Variants in RARS2 observed in about 807,000 individuals in gnomAD.
The protein encoded by RARS2 is probable arginine--tRNA ligase, mitochondrial.
Under a neutral mutation model 88.5 loss-of-function variants are expected in RARS2, and 67 were observed. That is an observed-to-expected ratio of 0.76 (90% CI 0.62 to 0.93). RARS2 has a LOEUF of 0.93. Among genes scored for constraint, RARS2 ranks in the 40% least tolerant of loss-of-function variants. The pLI, the probability that RARS2 is intolerant of heterozygous loss-of-function variation, is 0.00. For missense variants in RARS2, 664 were observed against 684.2 expected, an observed-to-expected ratio of 0.97 and a Z score of 0.33; for synonymous variants, 239 against 230.3, an observed-to-expected ratio of 1.04 and a Z score of -0.34.
intron 8 of RARS2, among the ~76,000 whole-genome samples, chr6:87,532,475 T>A (rs544024668): frequency 5.9e-5 from 9 of 152,322 alleles, no homozygotes; most frequent in African/African-American, 2.2e-4. Flanking sequence ...TGACCAACTC[T>A]CAATAAAAAC....
intron 11 of RARS2, among the ~76,000 whole-genome samples, chr6:87,523,366 C>A (rs968852064): frequency 6.6e-6 from 1 of 152,164 alleles, no homozygotes; most frequent in African/African-American, 2.4e-5. Flanking sequence ...TATTCTCCTG[C>A]AGTTTTGTCT....
intron 5 of RARS2, among the ~76,000 whole-genome samples, chr6:87,549,656 G>A (rs1176238577): frequency 2.6e-5 from 4 of 151,872 alleles, no homozygotes; most frequent in Admixed American, 6.6e-5. Context: ...TATCACTCCC[G>A]TGTGTGCTCA....
chr6:87,527,847 G>C (rs1776251344), intron 10 of RARS2, among the ~76,000 whole-genome samples: 1 of 151,994 alleles, frequency 6.6e-6, no homozygotes, highest in Admixed American at 6.6e-5. Flanking sequence ...TCACTTATAA[G>C]TGGGAGTTGA....
In RARS2 at chr6:87,567,712, T is replaced by C. The variant is rs188274076; in HGVS notation, c.110+1805A>G. Among the ~76,000 whole-genome samples, 348 of 152,336 alleles carry C rather than the reference T, an allele frequency of 2.3e-3. 1 individual carries two copies. The highest frequency in any genetic ancestry group is 8.0e-3 in the African/African-American group (333 of 41,582). On this transcript the variant is annotated intron_variant, in intron 2 of 19. Transcript: ENST00000369536. Reference sequence around the variant, plus strand: ...TTCCCTTTGTTTTAAGTAAACTTAATATGAAGAATTTCAGATTTGTAGGCC... The same window carrying C: ...TTCCCTTTGTTTTAAGTAAACTTAACATGAAGAATTTCAGATTTGTAGGCC...
intron 2 of RARS2, among the ~76,000 whole-genome samples, chr6:87,568,987 G>C (rs1039640976): frequency 1.3e-5 from 2 of 152,104 alleles, no homozygotes; most frequent in African/African-American, 4.8e-5. Flanking sequence ...AACTCACAAA[G>C]AGATACCTCT....
chr6:87,586,090 T>A (rs1045897848), intron 1 of RARS2, among the ~76,000 whole-genome samples: 1 of 152,156 alleles, frequency 6.6e-6, no homozygotes, highest in Non-Finnish European at 1.5e-5. Flanking sequence ...AATTTAGATG[T>A]CACCTTTCTT....
chr6:87,535,533 TTC>T (rs1453902356), intron 8 of RARS2, among the ~76,000 whole-genome samples: 2 of 152,170 alleles, frequency 1.3e-5, no homozygotes, highest in East Asian at 3.8e-4. Context: ...CTCACTATTT[TTC>T]TTTTATTAAA....
chr6:87,543,855 T>C (rs1781802022), intron 7 of RARS2, among the ~76,000 whole-genome samples: 2 of 152,136 alleles, frequency 1.3e-5, no homozygotes, highest in Non-Finnish European at 2.9e-5. Context: ...GTGATTATAA[T>C]TCAGGGTGGT....
chr6:87,589,794 G>A (rs1174144655), intron 1 of RARS2, 128 bp downstream of exon 1: 2 of 1,601,722 alleles, frequency 1.2e-6, no homozygotes, highest in East Asian at 2.3e-5. Flanking sequence ...AGGGGGAGGA[G>A]GTGGTAGAAA....
At chr6:87,516,119 TA>T in intron 18 of RARS2, among the ~76,000 whole-genome samples, 1 of 152,286 alleles carries the variant, frequency 6.6e-6, no homozygotes, top group Non-Finnish European at 1.5e-5. Flanking sequence ...ACTTGTTGAG[TA>T]AAAGCAACAT....
chr6:87,536,815 CAA>C (rs1392319002), intron 8 of RARS2, among the ~76,000 whole-genome samples: 7 of 151,944 alleles, frequency 4.6e-5, no homozygotes, highest in Non-Finnish European at 8.8e-5. Flanking sequence ...GGAACTATAA[CAA>C]AACTACTTCC....
intron 5 of RARS2, among the ~76,000 whole-genome samples, chr6:87,553,324 A>C (rs920255242): frequency 6.6e-6 from 1 of 152,140 alleles, no homozygotes; most frequent in Admixed American, 6.6e-5. Flanking sequence ...AAGTAGAAGA[A>C]CCACTGGCCT....
rs754060372 is a variant in RARS2, at chr6:87,514,477, G to A, written c.1673C>T (p.Ala558Val). 6.2e-7 allele frequency: 1 copy of A among 1,612,322 alleles called. No individual in the cohort carries two copies. Among genetic ancestry groups the A allele is most frequent in the Non-Finnish European group, 8.5e-7 (1 of 1,178,440 alleles). Reference protein sequence around the residue: ...VAGARLHLFKAVRSVLANGMK... With the variant: ...VAGARLHLFKVVRSVLANGMK... ...TCCATTGGCTAGGACAGAACGGACA[G>A]CTTTGAAAAGATGAAGTCTGGCCTA... The change falls in exon 20 of 20, where the codon GCT becomes GTT. Residue 558 changes from alanine (A) to valine (V), a missense_variant. By Grantham distance (64) the Ala-to-Val change is moderately conservative. Coordinates refer to ENST00000369536, the MANE Select transcript of RARS2 (RefSeq NM_020320.5).
intron 14 of RARS2, among the ~76,000 whole-genome samples, 163 bp downstream of exon 14, chr6:87,519,420 G>A (rs548859919): frequency 6.6e-6 from 1 of 152,078 alleles, no homozygotes; most frequent in South Asian, 2.1e-4. Context: ...CCTGAGTAGC[G>A]AGTATAAAAA....
chr6:87,515,616 TGTATA>T (rs565024636), intron 18 of RARS2, among the ~76,000 whole-genome samples: 159 of 152,062 alleles, frequency 1.0e-3, no homozygotes, highest in African/African-American at 3.6e-3. Context: ...TACAATCCAA[TGTATA>T]ACACAGCATG....
At chr6:87,515,346 C>T (rs1771229930) in intron 18 of RARS2, among the ~76,000 whole-genome samples, 1 of 151,940 alleles carries the variant, frequency 6.6e-6, no homozygotes, top group Admixed American at 6.6e-5. Flanking sequence ...ATGGTGAAAC[C>T]CCGTCTCTAC....
At chr6:87,582,160 T>A (rs1773750832) in intron 1 of RARS2, among the ~76,000 whole-genome samples, 2 of 152,252 alleles carry the variant, frequency 1.3e-5, no homozygotes, top group Non-Finnish European at 2.9e-5. Flanking sequence ...TTTCTGGTAC[T>A]AGATCTTTGA....
intron 6 of RARS2, among the ~76,000 whole-genome samples, chr6:87,547,412 C>T (rs1782913615): frequency 1.3e-5 from 2 of 152,290 alleles, no homozygotes; most frequent in South Asian, 4.1e-4. Flanking sequence ...ACAGGTTAAA[C>T]AACTTTCTCT....
At chr6:87,568,368 C>T (rs891585983) in intron 2 of RARS2, among the ~76,000 whole-genome samples, 5 of 152,264 alleles carry the variant, frequency 3.3e-5, no homozygotes, top group Non-Finnish European at 7.4e-5. Context: ...GGCATAGTGG[C>T]GTGAGCCTGT....
Sources: gnomAD v4.1 joint callset for allele counts (sites outside exome capture counted in the v4.1 genomes callset) on GRCh38, gnomAD v4.1.1 for gene constraint, MANE v1.5 for transcripts, NCBI Gene and HGNC (gene_info 2026-07-23, HGNC 2026-07-21) for gene names.